Variants in KIF21A observed in about 807,000 individuals in gnomAD.
The protein encoded by KIF21A is kinesin family member 21A.
Under a neutral mutation model 202.9 loss-of-function variants are expected in KIF21A, and 114 were observed. The observed-to-expected ratio is 0.56, with a 90% CI of 0.48 to 0.66. KIF21A has a LOEUF of 0.66. KIF21A is among the 30% of genes least tolerant of loss of function. KIF21A has a pLI of 0.00. For synonymous variants in KIF21A, 667 were observed against 670.8 expected (o/e 0.99, Z 0.09); for missense variants, 1,677 against 1,994.9 (o/e 0.84, Z 3.04).
At position 39,337,164 on chromosome 12, in the gene KIF21A, C is replaced by G; in HGVS notation, c.2350G>C (p.Ala784Pro). 1 of 1,612,670 alleles carries G rather than the reference C, an allele frequency of 6.2e-7. No individual in the cohort carries two copies. The change falls in exon 17 of 38, where the codon GCC becomes CCC. Residue 784 changes from alanine to proline, a missense_variant. Physicochemically the swap from Ala to Pro is conservative, Grantham distance 27. Coordinates refer to ENST00000361418, the MANE Select transcript of KIF21A (RefSeq NM_001173464.2). ...TTTCTTCTAGACTCAGTCAGTCTGG[C>G]TTTCTCTTGTTCTTCTTTCATTTGT... ...MKQMKEEQEK[A>P]RLTESRRNRE...
At chr12:39,394,208 G>A (rs1194840028) in intron 1 of KIF21A, among the ~76,000 whole-genome samples, 1 of 152,190 alleles carries the variant, frequency 6.6e-6, no homozygotes, top group South Asian at 2.1e-4. Context: ...TGCAGAGCAT[G>A]CAATACATAG....
At chr12:39,412,288 T>C (rs945867530) in intron 1 of KIF21A, among the ~76,000 whole-genome samples, 5 of 152,252 alleles carry the variant, frequency 3.3e-5, no homozygotes, top group African/African-American at 9.6e-5. Flanking sequence ...TTCTCCTGCC[T>C]GTTGCCTAGA....
At position 39,347,069 on chromosome 12, in the gene KIF21A, AAAGTTAT is replaced by A. The variant is rs1947959129; in HGVS notation, c.1674-572_1674-566del. 2.0e-5 allele frequency among the ~76,000 whole-genome samples: 3 copies of A among 152,084 alleles called. No homozygotes were observed. The East Asian group carries it at 5.8e-4, about 29-fold the overall frequency. ...ATAAATCTAAAAAAAATCTGATTTCAAAGTTATACATGAAATGGTATTGCAGGCAAAT... is the reference window on the plus strand; with the variant it reads ...ATAAATCTAAAAAAAATCTGATTTCAACATGAAATGGTATTGCAGGCAAAT... On this transcript the variant is annotated intron_variant, in intron 11 of 37. Transcript: ENST00000361418.
intron 17 of KIF21A, among the ~76,000 whole-genome samples, chr12:39,334,831 C>T (rs1245686189): frequency 4.6e-5 from 7 of 152,144 alleles, no homozygotes; most frequent in Admixed American, 4.6e-4. Context: ...ATATAGGCAT[C>T]ACATGTTATG....
At chr12:39,407,263 G>A (rs1360611519) in intron 1 of KIF21A, among the ~76,000 whole-genome samples, 3 of 152,168 alleles carry the variant, frequency 2.0e-5, no homozygotes, top group African/African-American at 4.8e-5. Flanking sequence ...TTACCGTGAA[G>A]TTTATTGTAA....
intron 6 of KIF21A, among the ~76,000 whole-genome samples, chr12:39,365,792 A>G (rs1226068882): frequency 6.6e-6 from 1 of 152,156 alleles, no homozygotes; most frequent in Non-Finnish European, 1.5e-5. Context: ...AGTGAATCGC[A>G]TGAGCCCAGA....
chr12:39,372,675 A>T (rs1261071173), intron 1 of KIF21A, among the ~76,000 whole-genome samples: 3 of 152,208 alleles, frequency 2.0e-5, no homozygotes, highest in South Asian at 4.1e-4. Context: ...ATGCACACAG[A>T]CTATAAAAAC....
chr12:39,358,934 C>G (rs116304555), intron 7 of KIF21A, among the ~76,000 whole-genome samples: 1 of 152,088 alleles, frequency 6.6e-6, no homozygotes, highest in Admixed American at 6.6e-5. Flanking sequence ...CATTACTTTA[C>G]GGTCATGATA....
chr12:39,399,961 T>A (rs1748744768), intron 1 of KIF21A, among the ~76,000 whole-genome samples: 1 of 152,216 alleles, frequency 6.6e-6, no homozygotes, highest in Non-Finnish European at 1.5e-5. Flanking sequence ...AGAAGGGGGA[T>A]AAATTGCCAC....
chr12:39,375,975 T>C (rs780915737), intron 1 of KIF21A, among the ~76,000 whole-genome samples: 3 of 152,156 alleles, frequency 2.0e-5, no homozygotes, highest in Admixed American at 6.6e-5. Flanking sequence ...CAACACCACC[T>C]GAAAATTCTC....
chr12:39,335,941 T>A (rs2138239074), intron 17 of KIF21A, among the ~76,000 whole-genome samples: 1 of 152,334 alleles, frequency 6.6e-6, no homozygotes, highest in Middle Eastern at 3.4e-3. Flanking sequence ...CTCTATCCCC[T>A]TTCCTCTTTA....
At chr12:39,342,246 T>C in intron 12 of KIF21A, 122 bp from the exon 13 acceptor site, 1 of 725,292 alleles carries the variant, frequency 1.4e-6, no homozygotes, top group South Asian at 1.5e-5. Flanking sequence ...GTTGGTCACT[T>C]AACTGAGCAA....
intron 1 of KIF21A, among the ~76,000 whole-genome samples, chr12:39,392,050 T>A (rs1951402961): frequency 6.6e-6 from 1 of 152,106 alleles, no homozygotes; most frequent in Non-Finnish European, 1.5e-5. Flanking sequence ...AAACTGCAAT[T>A]TTTTAAAAGA....
Position 39,322,648 on chromosome 12 carries a change from T to C in KIF21A, c.3671+20A>G, listed in dbSNP as rs774483874. 1 of 1,596,436 alleles carries C rather than the reference T, an allele frequency of 6.3e-7. No individual in the cohort carries two copies. The highest frequency in any genetic ancestry group is 1.1e-5 in the South Asian group (1 of 90,716). On this transcript the variant is annotated intron_variant, in intron 27 of 37. Coordinates refer to ENST00000361418, the MANE Select transcript of KIF21A (RefSeq NM_001173464.2). ...TTAAAGCCAAAAGAAAAGAAGTTAGTGTAGCTGGGCCAAACTTACATGCTG... is the reference window on the plus strand; with the variant it reads ...TTAAAGCCAAAAGAAAAGAAGTTAGCGTAGCTGGGCCAAACTTACATGCTG...
intron 1 of KIF21A, among the ~76,000 whole-genome samples, chr12:39,417,452 A>G (rs1462848764): frequency 2.0e-5 from 3 of 152,202 alleles, no homozygotes; most frequent in East Asian, 3.9e-4. Flanking sequence ...TGAAACACAC[A>G]AGAAATGAAA....
rs891682618 is a variant in KIF21A, at chr12:39,354,157, A to C, written c.1470-2177T>G. Among the ~76,000 whole-genome samples the C allele has an allele frequency of 8.5e-5, 13 of 152,320 alleles. No homozygotes were observed. In the South Asian group the frequency reaches 2.5e-3, roughly 29 times the overall value. ...TCCCCCAACTAACATGATATTTAAA[A>C]AATAGTAAGTATTCTTATCATAAAG... On this transcript the variant is annotated intron_variant, in intron 10 of 37. Coordinates refer to ENST00000361418, the MANE Select transcript of KIF21A (RefSeq NM_001173464.2).
intron 30 of KIF21A, chr12:39,315,731 A>G: frequency 1.6e-6 from 1 of 632,562 alleles, no homozygotes; most frequent in Non-Finnish European, 2.9e-6. Context: ...AAACTATTAT[A>G]CAAAAAAAAC....
chr12:39,308,552 T>C (rs932553352), intron 33 of KIF21A, among the ~76,000 whole-genome samples: 1 of 152,210 alleles, frequency 6.6e-6, no homozygotes, highest in Non-Finnish European at 1.5e-5. Context: ...CCTTTTGAAT[T>C]ATTTGCAGTT....
intron 1 of KIF21A, among the ~76,000 whole-genome samples, chr12:39,391,726 C>T (rs190054018): frequency 8.4e-4 from 122 of 145,702 alleles, no homozygotes; most frequent in Non-Finnish European, 1.4e-3. Context: ...CTAAAGACTG[C>T]AATTTTCGTT....
Sources: gnomAD v4.1 joint callset for allele counts (sites outside exome capture counted in the v4.1 genomes callset) on GRCh38, gnomAD v4.1.1 for gene constraint, MANE v1.5 for transcripts, NCBI Gene and HGNC (gene_info 2026-07-23, HGNC 2026-07-21) for gene names.